Variants in HK1 observed in about 807,000 individuals in gnomAD.
The protein encoded by HK1 is hexokinase 1, also known as hexokinase-1.
HK1 carries 28 observed loss-of-function variants against 91.6 expected under a neutral mutation model. That is an observed-to-expected ratio of 0.31 (90% CI 0.23 to 0.42). The LOEUF (loss-of-function observed/expected upper bound fraction) is 0.42. Among genes scored for constraint, HK1 ranks in the 10% least tolerant of loss-of-function variants. HK1 has a pLI of 1.00. For synonymous variants in HK1, 430 were observed against 468.1 expected, an observed-to-expected ratio of 0.92 and a Z score of 1.05; for missense variants, 770 against 1,219.8, an observed-to-expected ratio of 0.63 and a Z score of 5.49.
intron 8 of HK1, 32 bp downstream of exon 8, chr10:69,377,121 G>A (rs1452911588): frequency 1.4e-5 from 22 of 1,613,698 alleles, no homozygotes; most frequent in Non-Finnish European, 1.6e-5. Context: ...CTTTCTTGGG[G>A]TGTTGGGGCA....
At chr10:69,276,167 G>A (rs1310752737) in intron 1 of HK1, among the ~76,000 whole-genome samples, 2 of 112,820 alleles carry the variant, frequency 1.8e-5, no homozygotes, top group South Asian at 3.1e-4. Context: ...TATTAAATAA[G>A]TAATTCTATA....
intron 5 of HK1, among the ~76,000 whole-genome samples, chr10:69,303,380 A>C (rs1333177886): frequency 6.6e-6 from 1 of 152,204 alleles, no homozygotes; most frequent in Non-Finnish European, 1.5e-5. Flanking sequence ...CACTGCCTAG[A>C]CAGAGCTGAT....
At chr10:69,288,524 T>C (rs1845134580) in intron 2 of HK1, 1 of 612,372 alleles carries the variant, frequency 1.6e-6, no homozygotes, top group Admixed American at 2.7e-5. Flanking sequence ...TTATGACATT[T>C]TACCTGGGTT....
At chr10:69,271,175 C>T (rs779893060) in intron 1 of HK1, 37 of 152,102 alleles carry the variant, frequency 2.4e-4, no homozygotes, top group Non-Finnish European at 4.0e-4. Context: ...AACAAGGTGA[C>T]GACTGTTCCT....
chr10:69,398,919 C>T, intron 17 of HK1, 91 bp downstream of exon 17: 1 of 987,592 alleles, frequency 1.0e-6, no homozygotes, highest in Non-Finnish European at 1.6e-6. Flanking sequence ...TGGGGAAATG[C>T]CCTGCGGGAG....
chr10:69,358,206 G>A (rs1207167136), intron 2 of HK1, among the ~76,000 whole-genome samples: 2 of 152,136 alleles, frequency 1.3e-5, no homozygotes, highest in South Asian at 2.1e-4. Context: ...CATCACGAGT[G>A]AAACATATCT....
intron 7 of HK1, among the ~76,000 whole-genome samples, 183 bp from the exon 8 acceptor site, chr10:69,376,751 G>T (rs955384905): frequency 6.6e-6 from 1 of 152,180 alleles, no homozygotes; most frequent in Non-Finnish European, 1.5e-5. Flanking sequence ...TCCACAGTCG[G>T]CTTGGCTTCC....
upstream of HK1, chr10:69,316,008 G>T (rs776406861): frequency 6.2e-7 from 1 of 1,614,014 alleles, no homozygotes; most frequent in South Asian, 1.1e-5. Context: ...AGGCCTGGGA[G>T]ATTGGGGTGA....
At chr10:69,309,998 C>T (rs577227971) in intron 5 of HK1, among the ~76,000 whole-genome samples, 10 of 149,584 alleles carry the variant, frequency 6.7e-5, no homozygotes, top group Middle Eastern at 3.5e-3. Context: ...CACAGTGAGC[C>T]GGGATCACGC....
chr10:69,348,649 A>G (rs1490266760), intron 2 of HK1, among the ~76,000 whole-genome samples: 4 of 152,178 alleles, frequency 2.6e-5, no homozygotes, highest in Admixed American at 6.5e-5. Flanking sequence ...CGTCTCTACT[A>G]AAAATACAAA....
intron 8 of HK1, 28 bp downstream of exon 8, chr10:69,377,117 T>C (rs930136653): frequency 1.2e-6 from 2 of 1,613,782 alleles, no homozygotes; most frequent in Admixed American, 3.3e-5. Context: ...AAGGCTTTCT[T>C]GGGGTGTTGG....
In HK1 at chr10:69,319,017, C is replaced by T. The variant is rs759986003; in HGVS notation, c.63+7C>T. On this transcript the variant is annotated splice_region_variant and intron_variant, in intron 1 of 17. Transcript: ENST00000359426. The stretch of plus-strand genomic sequence containing the variant: ...GGATGACCAGGTCAAAAAGGTGAGC[C>T]CCCGCCCGCGCCGCCGCTGGTCCTG... 1 of 1,596,008 alleles carries T rather than the reference C, an allele frequency of 6.3e-7. No individual in the cohort carries two copies. The highest frequency in any genetic ancestry group is 8.5e-7 in the Non-Finnish European group (1 of 1,172,238).
intron 2 of HK1, among the ~76,000 whole-genome samples, chr10:69,285,038 C>G (rs756996231): frequency 6.6e-6 from 1 of 151,984 alleles, no homozygotes; most frequent in Non-Finnish European, 1.5e-5. Context: ...ATGATGGTCT[C>G]GAACTCCTGA....
At chr10:69,366,818 C>A (rs1849726742) in intron 4 of HK1, among the ~76,000 whole-genome samples, 1 of 152,252 alleles carries the variant, frequency 6.6e-6, no homozygotes, top group South Asian at 2.1e-4. Flanking sequence ...CCCCCTTCCC[C>A]TTCCCTTGTG....
chr10:69,337,540 C>G (rs1848051805), intron 1 of HK1, among the ~76,000 whole-genome samples: 1 of 152,172 alleles, frequency 6.6e-6, no homozygotes, highest in Admixed American at 6.5e-5. Context: ...TGAGCCATTG[C>G]TAATTGTGAT....
At chr10:69,290,332 C>T (rs1845240982) in intron 3 of HK1, among the ~76,000 whole-genome samples, 1 of 152,152 alleles carries the variant, frequency 6.6e-6, no homozygotes, top group Non-Finnish European at 1.5e-5. Context: ...GAGTTGCTTC[C>T]ACCTCGAGGC....
At chr10:69,393,803 G>T (rs955058199) in intron 15 of HK1, among the ~76,000 whole-genome samples, 3 of 152,192 alleles carry the variant, frequency 2.0e-5, no homozygotes, top group African/African-American at 7.2e-5. Flanking sequence ...AGCACTTTGG[G>T]AGGCCAAGGT....
intron 1 of HK1, among the ~76,000 whole-genome samples, chr10:69,274,489 T>C (rs188160571): frequency 4.2e-4 from 64 of 151,844 alleles, no homozygotes; most frequent in African/African-American, 1.4e-3. Flanking sequence ...TCCCAGCTAA[T>C]TGGGAGGCTG....
In HK1 at chr10:69,360,024, C is replaced by T. The variant is rs533615871; in HGVS notation, c.354C>T (p.Ile118=). Residue 118 remains isoleucine, a synonymous_variant, in exon 3 of 18, where the codon ATC becomes ATT. Coordinates refer to ENST00000359426, the MANE Select transcript of HK1 (RefSeq NM_000188.3). ...AGGTTTATGACACCCCAGAGAACAT[C>T]GTGCACGGCAGTGGAAGCCAGGTGG... ...ESEVYDTPEN[I]VHGSGSQLFD... The T allele has an allele frequency of 1.4e-5, 23 of 1,614,094 alleles. No homozygotes were observed. Among genetic ancestry groups the T allele is most frequent in the South Asian group, 3.3e-5 (3 of 91,080 alleles).
Sources: gnomAD v4.1 joint callset for allele counts (sites outside exome capture counted in the v4.1 genomes callset) on GRCh38, gnomAD v4.1.1 for gene constraint, MANE v1.5 for transcripts, NCBI Gene and HGNC (gene_info 2026-07-23, HGNC 2026-07-21) for gene names.